The following MTSS1 variants were observed in gnomAD, a reference collection of about 807,000 sequenced individuals.
The protein encoded by MTSS1 is protein MTSS 1.
Under a neutral mutation model 79.0 loss-of-function variants are expected in MTSS1, and 18 were observed. That is an observed-to-expected ratio of 0.23 (90% CI 0.16 to 0.34). MTSS1 has a LOEUF of 0.34. MTSS1 is among the 10% of genes least tolerant of loss of function. The pLI is 1.00. For missense variants in MTSS1, 815 were observed against 986.2 expected (o/e 0.83, Z 2.33); for synonymous variants, 341 against 368.6 (o/e 0.93, Z 0.86).
intron 3 of MTSS1, among the ~76,000 whole-genome samples, chr8:124,633,480 C>T (rs1816397614): frequency 6.6e-6 from 1 of 152,086 alleles, no homozygotes; most frequent in Admixed American, 6.5e-5. Context: ...AGGTGAAAAC[C>T]TATCATAGGC....
intron 3 of MTSS1, among the ~76,000 whole-genome samples, chr8:124,631,800 G>T (rs543126289): frequency 1.6e-4 from 25 of 152,184 alleles, no homozygotes; most frequent in Non-Finnish European, 2.6e-4. Flanking sequence ...ACTGCTTACA[G>T]AATCACACCC....
intron 3 of MTSS1, among the ~76,000 whole-genome samples, chr8:124,651,450 CTT>C (rs879654879): frequency 7.2e-6 from 1 of 139,500 alleles, no homozygotes. Flanking sequence ...TCCACATGGT[CTT>C]TTTTTTTTTG....
intron 3 of MTSS1, among the ~76,000 whole-genome samples, chr8:124,601,854 C>T (rs1329677860): frequency 1.3e-5 from 2 of 152,214 alleles, no homozygotes; most frequent in East Asian, 3.8e-4. Context: ...CTTCTGCAAT[C>T]GCACTGGCAT....
intron 3 of MTSS1, among the ~76,000 whole-genome samples, chr8:124,681,973 A>C (rs913810488): frequency 2.8e-4 from 42 of 152,194 alleles, no homozygotes; most frequent in African/African-American, 9.9e-4. Context: ...ACACCTTCTC[A>C]AAGACTCCAC....
In MTSS1 at chr8:124,552,963, C is replaced by T; in HGVS notation, c.*29G>A. 2 of 1,597,296 alleles carry T rather than the reference C, an allele frequency of 1.3e-6. No homozygotes were observed. Among genetic ancestry groups the T allele is most frequent in the Non-Finnish European group, 1.7e-6 (2 of 1,167,164 alleles). The stretch of plus-strand genomic sequence containing the variant: ...ATTAGGTTTTATTAATGAAACAGTT[C>T]ATTCCCCACCGGCGCATTTCTTGTG... On this transcript the variant is annotated 3_prime_UTR_variant, in exon 14 of 14. Transcript: ENST00000518547.
At chr8:124,567,683 A>G (rs1013832839) in intron 7 of MTSS1, 21 of 1,459,452 alleles carry the variant, frequency 1.4e-5, no homozygotes, top group Admixed American at 2.5e-5. Flanking sequence ...GGAGCTGGGG[A>G]CCATGGAAGA....
At chr8:124,570,969 G>T (rs1308771900) in intron 6 of MTSS1, among the ~76,000 whole-genome samples, 1 of 152,254 alleles carries the variant, frequency 6.6e-6, no homozygotes, top group African/African-American at 2.4e-5. Flanking sequence ...CACAGCGCCT[G>T]GGTGTTTCAG....
intron 2 of MTSS1, among the ~76,000 whole-genome samples, chr8:124,700,104 A>C (rs1440561695): frequency 6.6e-6 from 1 of 151,612 alleles, no homozygotes; most frequent in Non-Finnish European, 1.5e-5. Context: ...GCACCACTGC[A>C]CTCCAGCCTA....
intron 3 of MTSS1, among the ~76,000 whole-genome samples, chr8:124,649,413 CG>C (rs1157729126): frequency 1.3e-5 from 2 of 152,112 alleles, no homozygotes; most frequent in Non-Finnish European, 2.9e-5. Flanking sequence ...GCGATGGAGT[CG>C]GGGGCGCTGA....
chr8:124,703,236 ATAGT>A (rs1350122603), intron 2 of MTSS1, among the ~76,000 whole-genome samples: 6 of 152,186 alleles, frequency 3.9e-5, no homozygotes, highest in Admixed American at 2.0e-4. Flanking sequence ...CTTTTGCTAG[ATAGT>A]TCATGTAAAT....
chr8:124,634,551 A>T (rs1816646865), intron 3 of MTSS1, among the ~76,000 whole-genome samples: 1 of 152,036 alleles, frequency 6.6e-6, no homozygotes, highest in Non-Finnish European at 1.5e-5. Flanking sequence ...TATTTGTAAA[A>T]ATGATTTGAT....
At position 124,597,012 on chromosome 8, in the gene MTSS1, G is replaced by A. The variant is rs1046509232; in HGVS notation, c.209-5777C>T. ...TGTCCAAATGGTCACATTCCCGGGC[G>A]CCAGGGATTAGGACATCAACCTATC... is the stretch of plus-strand genomic sequence containing the variant. On this transcript the variant is annotated intron_variant, in intron 3 of 13. Coordinates refer to ENST00000518547, the MANE Select transcript of MTSS1 (RefSeq NM_014751.6). The surrounding 1 kb of genome is among the most constrained non-coding windows in gnomAD (Gnocchi z 4.6). 2.6e-5 allele frequency among the ~76,000 whole-genome samples: 4 copies of A among 152,076 alleles called. No homozygotes were observed. Among genetic ancestry groups the A allele is most frequent in the African/African-American group, 4.8e-5 (2 of 41,396 alleles).
chr8:124,616,588 T>G (rs1836912916), intron 3 of MTSS1, among the ~76,000 whole-genome samples: 3 of 152,080 alleles, frequency 2.0e-5, no homozygotes. Context: ...CGGAAACGGA[T>G]AGTTCCCAGG....
chr8:124,657,609 G>A lies in MTSS1; in HGVS notation c.208+41917C>T, dbSNP rs138723023. On this transcript the variant is annotated intron_variant, in intron 3 of 13. Coordinates refer to ENST00000518547, the MANE Select transcript of MTSS1 (RefSeq NM_014751.6). ...TCACCAGCAACACTGTGACAGAGACGGTTCTGGGGTCAGCTCCAAGCCCAC... is the reference window on the plus strand; with the variant it reads ...TCACCAGCAACACTGTGACAGAGACAGTTCTGGGGTCAGCTCCAAGCCCAC... Among the ~76,000 whole-genome samples, 670 of 152,238 alleles carry A rather than the reference G, an allele frequency of 4.4e-3. 10 individuals are homozygous for A. Among genetic ancestry groups the A allele is most frequent in the African/African-American group, 0.015 (608 of 41,536 alleles).
chr8:124,565,875 G>A, intron 8 of MTSS1, 116 bp from the exon 9 acceptor site: 2 of 789,940 alleles, frequency 2.5e-6, no homozygotes, highest in South Asian at 2.1e-5. Flanking sequence ...GGGAATGAAA[G>A]CAAAACATGT....
chr8:124,614,257 G>A (rs562847815), intron 3 of MTSS1, among the ~76,000 whole-genome samples: 1 of 152,054 alleles, frequency 6.6e-6, no homozygotes, highest in Non-Finnish European at 1.5e-5. Flanking sequence ...AAGAACAGGG[G>A]GATTACCTGC....
chr8:124,699,915 G>C (rs1458113613), intron 2 of MTSS1, among the ~76,000 whole-genome samples: 1 of 152,182 alleles, frequency 6.6e-6, no homozygotes, highest in Non-Finnish European at 1.5e-5. Flanking sequence ...GGGAGGCTGA[G>C]GTGGGTGGAT....
At chr8:124,661,879 G>C (rs895369204) in intron 3 of MTSS1, among the ~76,000 whole-genome samples, 4 of 152,132 alleles carry the variant, frequency 2.6e-5, no homozygotes, top group Non-Finnish European at 4.4e-5. Flanking sequence ...CTTAGACTAT[G>C]ATATTTGTAA....
At chr8:124,661,888 A>T (rs1296065826) in intron 3 of MTSS1, among the ~76,000 whole-genome samples, 1 of 152,204 alleles carries the variant, frequency 6.6e-6, no homozygotes, top group African/African-American at 2.4e-5. Flanking sequence ...TGATATTTGT[A>T]AAGTATGAGG....
Sources: allele counts gnomAD v4.1 joint callset (sites outside exome capture counted in the v4.1 genomes callset), GRCh38; gene constraint gnomAD v4.1.1; non-coding constraint Gnocchi (gnomAD v3.1); transcripts MANE v1.5; gene names NCBI Gene and HGNC (gene_info 2026-07-23, HGNC 2026-07-21).